SLC35F3: variants seen among roughly 807,000 people sequenced by gnomAD.
SLC35F3 encodes solute carrier family 35 member F3, also known as putative thiamine transporter SLC35F3.
In SLC35F3, 25 loss-of-function variants were observed where a neutral mutation model predicts 49.9. The observed-to-expected ratio is 0.50, with a 90% CI of 0.37 to 0.70. The LOEUF (loss-of-function observed/expected upper bound fraction) is 0.70, where lower values mean the gene tolerates loss of function less well. Ranked by LOEUF, SLC35F3 falls within the 30% of genes least tolerant of loss-of-function variation. The pLI, the probability that SLC35F3 is intolerant of heterozygous loss-of-function variation, is 0.00. For synonymous variants in SLC35F3, 275 were observed against 265.4 expected (o/e 1.04, Z -0.35); for missense variants, 525 against 639.8 (o/e 0.82, Z 1.94).
chr1:234,096,653 G>C (rs1365489199), intron 2 of SLC35F3, among the ~76,000 whole-genome samples: 3 of 152,114 alleles, frequency 2.0e-5, no homozygotes, highest in Non-Finnish European at 4.4e-5. Context: ...GAAGGTTGGG[G>C]GAGCTAGATT....
At chr1:234,076,234 C>A (rs61824594) in intron 2 of SLC35F3, among the ~76,000 whole-genome samples, 1 of 148,528 alleles carries the variant, frequency 6.7e-6, no homozygotes, top group Non-Finnish European at 1.5e-5. Context: ...ACATTTTAAA[C>A]GTATTATCAA....
intron 2 of SLC35F3, among the ~76,000 whole-genome samples, chr1:233,925,461 C>G (rs574683820): frequency 1.3e-5 from 2 of 151,198 alleles, no homozygotes; most frequent in African/African-American, 2.4e-5. Context: ...GCAACCCCTG[C>G]TTTTTTTTTG....
chr1:234,181,410 TAA>T (rs1043821967), intron 2 of SLC35F3, among the ~76,000 whole-genome samples: 6 of 152,150 alleles, frequency 3.9e-5, no homozygotes, highest in Non-Finnish European at 8.8e-5. Context: ...CACTCTTTTT[TAA>T]AATGTTATCA....
chr1:233,979,990 A>G lies in SLC35F3; in HGVS notation c.283+74232A>G, dbSNP rs1166614331. On this transcript the variant is annotated intron_variant, in intron 2 of 7. Coordinates refer to ENST00000366618, the MANE Select transcript of SLC35F3 (RefSeq NM_173508.4). ...GCTGTCACCCCTGCACCTGATCTCC[A>G]CCAGTTGTGCCCCTCTAAGATATAG... Among the ~76,000 whole-genome samples, 9 of 152,188 alleles carry G rather than the reference A, an allele frequency of 5.9e-5. No individual in the cohort carries two copies. In the East Asian group the frequency reaches 1.7e-3, roughly 29 times the overall value.
chr1:234,228,532 T>A (rs1667321187), intron 2 of SLC35F3, among the ~76,000 whole-genome samples: 1 of 152,246 alleles, frequency 6.6e-6, no homozygotes, highest in African/African-American at 2.4e-5. Context: ...TGTTTCACAG[T>A]GATTTCCTGT....
chr1:234,134,723 T>C (rs1665784724), intron 2 of SLC35F3, among the ~76,000 whole-genome samples: 1 of 151,716 alleles, frequency 6.6e-6, no homozygotes, highest in Admixed American at 6.6e-5. Context: ...TTTTTGTGGG[T>C]TTTTTGGTTT....
intron 2 of SLC35F3, among the ~76,000 whole-genome samples, chr1:233,951,833 A>C (rs1238156152): frequency 6.6e-6 from 1 of 152,070 alleles, no homozygotes; most frequent in African/African-American, 2.4e-5. Context: ...GGGCCTCCCA[A>C]AGTGCTGAGA....
chr1:234,083,858 A>G (rs1359699786), intron 2 of SLC35F3, among the ~76,000 whole-genome samples: 1 of 143,438 alleles, frequency 7.0e-6, no homozygotes, highest in African/African-American at 2.6e-5. Flanking sequence ...TTTTTTTGAG[A>G]TGGAGTTTCG....
At chr1:234,269,763 GT>G (rs1668068232) in intron 3 of SLC35F3, among the ~76,000 whole-genome samples, 1 of 152,180 alleles carries the variant, frequency 6.6e-6, no homozygotes, top group Non-Finnish European at 1.5e-5. Context: ...GATTTGGGAT[GT>G]GTGTGTTCTC....
intron 2 of SLC35F3, among the ~76,000 whole-genome samples, chr1:234,115,652 A>C (rs1665475131): frequency 6.6e-6 from 1 of 152,198 alleles, no homozygotes; most frequent in Non-Finnish European, 1.5e-5. Context: ...TTCCATATCC[A>C]CTTGGATTCT....
chr1:234,123,638 G>A lies in SLC35F3; in HGVS notation c.284-107779G>A, dbSNP rs535287949. 2.0e-5 allele frequency among the ~76,000 whole-genome samples: 3 copies of A among 147,700 alleles called. No homozygotes were observed. The South Asian group carries it at 6.4e-4, about 32-fold the overall frequency. Reference sequence around the variant, plus strand: ...TCGCTATGTTGCCCAGGCTATTCTTGAACTCCTGGGCTCAAGACAACTGCC... The same window carrying A: ...TCGCTATGTTGCCCAGGCTATTCTTAAACTCCTGGGCTCAAGACAACTGCC... On this transcript the variant is annotated intron_variant, in intron 2 of 7. Transcript: ENST00000366618.
At chr1:233,914,095 G>A (rs929482475) in intron 2 of SLC35F3, among the ~76,000 whole-genome samples, 7 of 152,176 alleles carry the variant, frequency 4.6e-5, no homozygotes, top group South Asian at 2.1e-4. Context: ...TACATCCTCC[G>A]TTTGGGCCCT....
rs200636219 is a variant in SLC35F3, at chr1:233,979,080, AAAAAAG to A, written c.283+73337_283+73342del. ...AAAAAGCAAAACAAAACAAAAAAAC[AAAAAAG>A]AAAAAGAAAAAGAATTAAATGAAAT... On this transcript the variant is annotated intron_variant, in intron 2 of 7. Transcript: ENST00000366618. 8.5e-3 allele frequency among the ~76,000 whole-genome samples: 1,290 copies of A among 151,952 alleles called. 12 individuals are homozygous for A. Among genetic ancestry groups the A allele is most frequent in the African/African-American group, 0.029 (1,201 of 41,484 alleles).
At chr1:234,010,986 A>G (rs1354155896) in intron 2 of SLC35F3, among the ~76,000 whole-genome samples, 1 of 152,196 alleles carries the variant, frequency 6.6e-6, no homozygotes, top group Non-Finnish European at 1.5e-5. Context: ...TTTTAAGTGA[A>G]TATGTATAAC....
chr1:234,102,183 T>A (rs1665224346), intron 2 of SLC35F3, among the ~76,000 whole-genome samples: 1 of 152,222 alleles, frequency 6.6e-6, no homozygotes, highest in Non-Finnish European at 1.5e-5. Context: ...TTTCATCCCC[T>A]GGGACCTCTT....
At chr1:234,266,873 G>GTTTTTTTTTTTTTTTTTTT (rs34040004) in intron 3 of SLC35F3, among the ~76,000 whole-genome samples, 2 of 108,644 alleles carry the variant, frequency 1.8e-5, no homozygotes, top group Non-Finnish European at 3.6e-5. Context: ...GAAGCACATG[G>GTTTTTTTTTTTTTTTTTTT]TTTTTTTTTT....
intron 2 of SLC35F3, among the ~76,000 whole-genome samples, chr1:234,229,794 C>T (rs998366825): frequency 1.3e-5 from 2 of 152,100 alleles, no homozygotes; most frequent in Non-Finnish European, 2.9e-5. Context: ...GCAGGTAATC[C>T]GTGTGTAAAT....
chr1:234,204,768 C>G (rs1469876334), intron 2 of SLC35F3, among the ~76,000 whole-genome samples: 4 of 152,212 alleles, frequency 2.6e-5, no homozygotes, highest in Non-Finnish European at 5.9e-5. Context: ...CACAGTGGCT[C>G]AATCAGGAGC....
chr1:234,170,926 G>A (rs927119387), intron 2 of SLC35F3, among the ~76,000 whole-genome samples: 1 of 152,222 alleles, frequency 6.6e-6, no homozygotes, highest in African/African-American at 2.4e-5. Flanking sequence ...GAAGCCAAGA[G>A]CACAATTAAG....
Sources: allele counts gnomAD v4.1 joint callset (sites outside exome capture counted in the v4.1 genomes callset), GRCh38; gene constraint gnomAD v4.1.1; transcripts MANE v1.5; gene names NCBI Gene and HGNC (gene_info 2026-07-23, HGNC 2026-07-21).